Variants in PRKCE observed in about 807,000 individuals in gnomAD.
PRKCE encodes protein kinase C epsilon type.
A neutral mutation model predicts 85.4 loss-of-function variants in PRKCE; 16 were observed. The observed-to-expected ratio is 0.19, with a 90% CI of 0.13 to 0.28. The LOEUF (loss-of-function observed/expected upper bound fraction) is 0.28. Ranked by LOEUF, PRKCE falls within the 10% of genes least tolerant of loss-of-function variation. PRKCE has a pLI of 1.00. For missense variants in PRKCE, 573 were observed against 975.2 expected (o/e 0.59, Z 5.49); for synonymous variants, 388 against 371.5 (o/e 1.04, Z -0.51).
chr2:46,175,789 G>A (rs771809063), intron 14 of PRKCE, among the ~76,000 whole-genome samples: 2 of 151,938 alleles, frequency 1.3e-5, no homozygotes, highest in Non-Finnish European at 2.9e-5. Flanking sequence ...AGGAATGCCA[G>A]TATATAGCAT....
intron 5 of PRKCE, among the ~76,000 whole-genome samples, chr2:45,981,340 C>CT (rs1438438794): frequency 1.3e-5 from 2 of 152,160 alleles, no homozygotes. Flanking sequence ...AGAGAAAGGC[C>CT]TTGGGTAGGT....
intron 10 of PRKCE, among the ~76,000 whole-genome samples, chr2:46,061,538 A>T (rs1447259470): frequency 6.6e-6 from 1 of 152,136 alleles, no homozygotes; most frequent in East Asian, 1.9e-4. Context: ...TAGAGCAGTC[A>T]TTTCTGGCTA....
chr2:46,088,241 C>G (rs1312053914), intron 11 of PRKCE, among the ~76,000 whole-genome samples: 1 of 152,170 alleles, frequency 6.6e-6, no homozygotes, highest in Non-Finnish European at 1.5e-5. Context: ...ACTTCCCACA[C>G]CCCTTGTTTC....
chr2:45,961,797 G>C (rs1422744040), intron 2 of PRKCE, among the ~76,000 whole-genome samples: 1 of 152,108 alleles, frequency 6.6e-6, no homozygotes, highest in Non-Finnish European at 1.5e-5. Context: ...CCGGGTTCAA[G>C]CGATTCTCCT....
At chr2:45,975,034 C>T (rs997602795) in intron 2 of PRKCE, among the ~76,000 whole-genome samples, 16 of 152,106 alleles carry the variant, frequency 1.1e-4, no homozygotes, top group African/African-American at 1.7e-4. Flanking sequence ...TTCAGAGCAG[C>T]GTGTGGGTGG....
intron 1 of PRKCE, among the ~76,000 whole-genome samples, chr2:45,686,655 A>G (rs1436136832): frequency 3.9e-5 from 6 of 152,200 alleles, no homozygotes; most frequent in African/African-American, 1.4e-4. Flanking sequence ...AATAAAGATG[A>G]ACTACCTCTG....
intron 11 of PRKCE, among the ~76,000 whole-genome samples, chr2:46,093,558 T>A (rs1317512408): frequency 6.6e-6 from 1 of 151,018 alleles, no homozygotes; most frequent in African/African-American, 2.4e-5. Context: ...AGATAGGGTC[T>A]TGCTCTGTTG....
rs1221627642 is a variant in PRKCE, at chr2:46,159,786, G to A, written c.2067+34G>A. On this transcript the variant is annotated intron_variant, in intron 14 of 14. Transcript: ENST00000306156. The surrounding 1 kb of genome is among the most constrained non-coding windows in gnomAD (Gnocchi z 4.1). Reference sequence around the variant, plus strand: ...GTCCCCGTGCACGTTCAGCACCATGGGTCGGGCCCAGGTACTTGCAGGACA... The same window carrying A: ...GTCCCCGTGCACGTTCAGCACCATGAGTCGGGCCCAGGTACTTGCAGGACA... 6.3e-7 allele frequency: 1 copy of A among 1,596,276 alleles called. No individual in the cohort carries two copies. The highest frequency in any genetic ancestry group is 1.1e-5 in the South Asian group (1 of 90,226).
chr2:46,040,189 G>T (rs1708136899), intron 10 of PRKCE, among the ~76,000 whole-genome samples: 1 of 152,164 alleles, frequency 6.6e-6, no homozygotes. Context: ...GTGCCTAGGG[G>T]ATGTTAACTA....
At chr2:45,945,863 G>T (rs930190813) in intron 2 of PRKCE, among the ~76,000 whole-genome samples, 3 of 152,198 alleles carry the variant, frequency 2.0e-5, no homozygotes, top group African/African-American at 7.2e-5. Flanking sequence ...TACTGATGGG[G>T]GAAGACCATT....
Position 46,041,069 on chromosome 2 carries a change from A to C in PRKCE, c.1437+30552A>C, listed in dbSNP as rs566338916. On this transcript the variant is annotated intron_variant, in intron 10 of 14. Coordinates refer to ENST00000306156, the MANE Select transcript of PRKCE (RefSeq NM_005400.3). The surrounding 1 kb of genome is among the most constrained non-coding windows in gnomAD (Gnocchi z 5.5). The stretch of plus-strand genomic sequence containing the variant: ...TTCTGACTTTTTGAAAATCATTTCT[A>C]TCTGTGAGTAGGTGGCACGAGGTAT... Among the ~76,000 whole-genome samples, 1 of 152,224 alleles carries C rather than the reference A, an allele frequency of 6.6e-6. No homozygotes were observed. The highest frequency in any genetic ancestry group is 1.5e-5 in the Non-Finnish European group (1 of 68,034).
At chr2:45,955,565 T>C (rs1454561945) in intron 2 of PRKCE, among the ~76,000 whole-genome samples, 3 of 152,202 alleles carry the variant, frequency 2.0e-5, no homozygotes, top group Non-Finnish European at 4.4e-5. Context: ...TAACCTGTAG[T>C]CCCAGCTACT....
At chr2:45,658,550 T>C (rs1457863381) in intron 1 of PRKCE, among the ~76,000 whole-genome samples, 1 of 152,234 alleles carries the variant, frequency 6.6e-6, no homozygotes, top group African/African-American at 2.4e-5. Flanking sequence ...TGTGTGACTT[T>C]GAGCATGTGA....
intron 1 of PRKCE, among the ~76,000 whole-genome samples, chr2:45,819,770 G>A (rs1689375072): frequency 6.6e-6 from 1 of 152,170 alleles, no homozygotes; most frequent in African/African-American, 2.4e-5. Context: ...GTGGTGCTCT[G>A]GGAAGTGTGG....
intron 2 of PRKCE, among the ~76,000 whole-genome samples, chr2:45,874,378 G>GTCCTCTGGCCTCCTGTCCGGCCA (rs1558780593): frequency 1.3e-5 from 2 of 152,234 alleles, no homozygotes; most frequent in African/African-American, 2.4e-5. Flanking sequence ...ACTTGTGCCT[G>GTCCTCTGGCCTCCTGTCCGGCCA]TCCTCTGGCC....
intron 1 of PRKCE, among the ~76,000 whole-genome samples, chr2:45,842,485 C>T (rs1486073302): frequency 6.6e-6 from 1 of 152,162 alleles, no homozygotes; most frequent in East Asian, 1.9e-4. Flanking sequence ...GTATAAAGAA[C>T]ATGGGTTTCT....
chr2:45,867,562 T>C (rs1341605445), intron 2 of PRKCE, among the ~76,000 whole-genome samples: 1 of 152,228 alleles, frequency 6.6e-6, no homozygotes, highest in Non-Finnish European at 1.5e-5. Flanking sequence ...TAACTGTCAT[T>C]ATGAAAGTGA....
At position 46,001,567 on chromosome 2, in the gene PRKCE, G is replaced by A. The variant is rs779492822; in HGVS notation, c.966+21G>A. On this transcript the variant is annotated intron_variant, in intron 7 of 14. Coordinates refer to ENST00000306156, the MANE Select transcript of PRKCE (RefSeq NM_005400.3). The surrounding 1 kb of genome is among the most constrained non-coding windows in gnomAD (Gnocchi z 4.4). ...AAAAGGTAACTGGCTGTTTGGTGGT[G>A]TTGCTGGAGCCCTTTTCAGGCTAGC... 1.3e-6 allele frequency: 2 copies of A among 1,594,774 alleles called. No homozygotes were observed. Among genetic ancestry groups the A allele is most frequent in the Admixed American group, 1.7e-5 (1 of 59,656 alleles).
rs534975139 is a variant in PRKCE, at chr2:45,838,086, T to C, written c.349-4914T>C. On this transcript the variant is annotated intron_variant, in intron 1 of 14. Transcript: ENST00000306156. ...TAATTCACATGAGAGGCACTCTCATTGCTGCCCAGACCTCCCCTCAGAGCA... is the reference window on the plus strand; with the variant it reads ...TAATTCACATGAGAGGCACTCTCATCGCTGCCCAGACCTCCCCTCAGAGCA... Among the ~76,000 whole-genome samples, 40 of 152,310 alleles carry C rather than the reference T, an allele frequency of 2.6e-4. 1 individual carries two copies. Among genetic ancestry groups the C allele is most frequent in the African/African-American group, 8.9e-4 (37 of 41,576 alleles).
Sources: allele counts gnomAD v4.1 joint callset (sites outside exome capture counted in the v4.1 genomes callset), GRCh38; gene constraint gnomAD v4.1.1; non-coding constraint Gnocchi (gnomAD v3.1); transcripts MANE v1.5; gene names NCBI Gene and HGNC (gene_info 2026-07-23, HGNC 2026-07-21).